The following IL1RAPL1 variants were observed in gnomAD, a reference collection of about 807,000 sequenced individuals.
IL1RAPL1 encodes the protein interleukin-1 receptor accessory protein-like 1.
Under a neutral mutation model 48.4 loss-of-function variants are expected in IL1RAPL1, and 3 were observed. That is an observed-to-expected ratio of 0.06 (90% CI 0.03 to 0.16). IL1RAPL1 has a LOEUF of 0.16. Ranked by LOEUF, IL1RAPL1 falls within the 10% of genes least tolerant of loss-of-function variation. IL1RAPL1 has a pLI of 1.00. For missense variants in IL1RAPL1, 349 were observed against 530.6 expected (o/e 0.66, Z 3.36); for synonymous variants, 185 against 187.7 (o/e 0.99, Z 0.12).
chrX:29,422,328 G>A (rs771175607), intron 5 of IL1RAPL1, among the ~76,000 whole-genome samples: 9 of 111,009 alleles, frequency 8.1e-5, no homozygotes, highest in Non-Finnish European at 1.7e-4. Flanking sequence ...TCATTTGCGG[G>A]CGGGGAGAGG....
chrX:28,600,697 A>G (rs145831622), intron 1 of IL1RAPL1, among the ~76,000 whole-genome samples: 1 of 111,832 alleles, frequency 8.9e-6, no homozygotes, highest in Non-Finnish European at 1.9e-5. Context: ...ATTTACTGGT[A>G]CAGAACAGAC....
chrX:29,694,744 T>G, intron 6 of IL1RAPL1, among the ~76,000 whole-genome samples: 1 of 111,444 alleles, frequency 9.0e-6, no homozygotes, highest in Non-Finnish European at 1.9e-5. Context: ...TTCATCAGAG[T>G]TCTAGCCCCG....
chrX:28,743,405 T>C (rs1426501635), intron 1 of IL1RAPL1, among the ~76,000 whole-genome samples: 1 of 112,012 alleles, frequency 8.9e-6, no homozygotes, highest in African/African-American at 3.2e-5. Flanking sequence ...CGGAAAATAT[T>C]TGTTGTTTGA....
chrX:28,873,150 G>A (rs1922252814), intron 2 of IL1RAPL1, among the ~76,000 whole-genome samples: 1 of 84,258 alleles, frequency 1.2e-5, no homozygotes, highest in African/African-American at 5.0e-5. Context: ...CGCTCTTGTC[G>A]TCCAGGCAGG....
intron 2 of IL1RAPL1, among the ~76,000 whole-genome samples, chrX:28,916,866 A>G (rs1328431467): frequency 8.9e-6 from 1 of 112,323 alleles, no homozygotes; most frequent in Admixed American, 9.5e-5. Flanking sequence ...TAAAACTAAC[A>G]TTTCTATTCT....
chrX:29,030,957 G>A (rs1926605116), intron 2 of IL1RAPL1, among the ~76,000 whole-genome samples: 1 of 111,542 alleles, frequency 9.0e-6, no homozygotes, highest in Admixed American at 9.5e-5. Flanking sequence ...GCATAACTTT[G>A]TGTTTAAATG....
At chrX:29,294,673 TACAC>T (rs1244316798) in intron 3 of IL1RAPL1, among the ~76,000 whole-genome samples, 1 of 111,477 alleles carries the variant, frequency 9.0e-6, no homozygotes, top group African/African-American at 3.3e-5. Flanking sequence ...AAACTTTACT[TACAC>T]AGACAGGTGG....
At chrX:29,337,423 C>T (rs1933011221) in intron 3 of IL1RAPL1, among the ~76,000 whole-genome samples, 1 of 111,229 alleles carries the variant, frequency 9.0e-6, no homozygotes, top group Non-Finnish European at 1.9e-5. Flanking sequence ...GATTAGTATT[C>T]TCAACTTTAA....
intron 6 of IL1RAPL1, among the ~76,000 whole-genome samples, chrX:29,759,427 C>CT (rs5901931): frequency 0.21 from 23,355 of 110,143 alleles, 2,181 homozygotes; most frequent in South Asian, 0.36. Context: ...TACCATAGTT[C>CT]TTTTTTTTGG....
intron 2 of IL1RAPL1, among the ~76,000 whole-genome samples, chrX:29,083,635 T>A (rs1453281744): frequency 1.8e-5 from 2 of 111,643 alleles, no homozygotes; most frequent in African/African-American, 6.5e-5. Context: ...GAAAGACCCC[T>A]TGAACTGTTC....
intron 6 of IL1RAPL1, among the ~76,000 whole-genome samples, chrX:29,906,553 C>T (rs1378467609): frequency 1.3e-5 from 1 of 79,851 alleles, no homozygotes; most frequent in Non-Finnish European, 2.3e-5. Context: ...GCCAGTGACC[C>T]AGTTTTATAT....
intron 1 of IL1RAPL1, among the ~76,000 whole-genome samples, chrX:28,667,992 A>G (rs1402705639): frequency 4.5e-5 from 5 of 112,094 alleles, no homozygotes; most frequent in Non-Finnish European, 7.5e-5. Context: ...CATTCAGTCC[A>G]TAGCAGATCA....
chrX:29,727,746 G>A (rs922568769), intron 6 of IL1RAPL1, among the ~76,000 whole-genome samples: 4 of 111,457 alleles, frequency 3.6e-5, no homozygotes, highest in African/African-American at 1.3e-4. Flanking sequence ...AGTTGGAAAG[G>A]CTTTTTACAA....
intron 2 of IL1RAPL1, among the ~76,000 whole-genome samples, chrX:28,957,065 AT>A (rs887251389): frequency 9.0e-6 from 1 of 110,745 alleles, no homozygotes; most frequent in African/African-American, 3.3e-5. Flanking sequence ...TGTTTGTAGT[AT>A]TCTCTGATGG....
intron 5 of IL1RAPL1, among the ~76,000 whole-genome samples, chrX:29,500,770 A>G (rs1278021894): frequency 1.8e-5 from 2 of 111,772 alleles, no homozygotes; most frequent in Non-Finnish European, 3.8e-5. Context: ...TAGTGCTGCA[A>G]TAAACATGGA....
intron 2 of IL1RAPL1, among the ~76,000 whole-genome samples, chrX:28,790,590 G>A (rs1936526228): frequency 8.9e-6 from 1 of 112,263 alleles, no homozygotes; most frequent in African/African-American, 3.2e-5. Flanking sequence ...TGAGACTGTT[G>A]GTTCTAGCAT....
intron 2 of IL1RAPL1, among the ~76,000 whole-genome samples, chrX:28,884,177 TA>T (rs1269367122): frequency 9.0e-6 from 1 of 111,566 alleles, no homozygotes; most frequent in African/African-American, 3.2e-5. Flanking sequence ...AAGTATAATT[TA>T]AAAAATAAAT....
intron 5 of IL1RAPL1, among the ~76,000 whole-genome samples, chrX:29,490,972 T>C (rs1935154539): frequency 1.8e-5 from 2 of 110,801 alleles, no homozygotes; most frequent in Non-Finnish European, 3.8e-5. Flanking sequence ...AATAAATATG[T>C]GGTTGTTGTA....
intron 2 of IL1RAPL1, among the ~76,000 whole-genome samples, chrX:29,074,371 C>T (rs1397066545): frequency 9.0e-6 from 1 of 111,394 alleles, no homozygotes; most frequent in East Asian, 2.8e-4. Flanking sequence ...AGAGATGAGT[C>T]AGGAAAGCCT....
Sources: allele counts gnomAD v4.1 joint callset (sites outside exome capture counted in the v4.1 genomes callset), GRCh38; gene constraint gnomAD v4.1.1; transcripts MANE v1.5; gene names NCBI Gene and HGNC (gene_info 2026-07-23, HGNC 2026-07-21).